ZNF609: variants seen among roughly 807,000 people sequenced by gnomAD.
ZNF609 encodes the protein zinc finger protein 609.
A neutral mutation model predicts 109.5 loss-of-function variants in ZNF609; 11 were observed. The observed-to-expected ratio is 0.10, with a 90% CI of 0.06 to 0.17. The LOEUF is 0.17. ZNF609 is among the 10% of genes least tolerant of loss of function. The pLI is 1.00. For synonymous variants in ZNF609, 646 were observed against 662.0 expected, an observed-to-expected ratio of 0.98 and a Z score of 0.37; for missense variants, 1,559 against 1,772.4, an observed-to-expected ratio of 0.88 and a Z score of 2.16.
intron 2 of ZNF609, among the ~76,000 whole-genome samples, chr15:64,549,177 T>G (rs1894420078): frequency 6.6e-6 from 1 of 152,144 alleles, no homozygotes. Flanking sequence ...TTTGTTTGTT[T>G]GTTTTGGTTT....
intron 3 of ZNF609, among the ~76,000 whole-genome samples, chr15:64,648,796 C>G (rs993485725): frequency 6.6e-6 from 1 of 151,128 alleles, no homozygotes; most frequent in Non-Finnish European, 1.5e-5. Context: ...ATATGTAACC[C>G]GTTGTATCTG....
chr15:64,625,930 TATATATAGAGAGAGAGAGAGAG>T (rs1172002380), intron 3 of ZNF609, among the ~76,000 whole-genome samples: 21 of 72,832 alleles, frequency 2.9e-4, no homozygotes, highest in African/African-American at 1.1e-3. Flanking sequence ...TATATATATA[TATATATAGAGAGAGAGAGAGAG>T]AGAGAGAGAG....
At chr15:64,538,853 T>C (rs1357316260) in intron 2 of ZNF609, among the ~76,000 whole-genome samples, 2 of 152,122 alleles carry the variant, frequency 1.3e-5, no homozygotes, top group South Asian at 4.1e-4. Flanking sequence ...CTGGTTTTAT[T>C]TTTTATAGAG....
intron 1 of ZNF609, among the ~76,000 whole-genome samples, chr15:64,472,273 G>A (rs1429097437): frequency 6.6e-6 from 1 of 152,218 alleles, no homozygotes; most frequent in Non-Finnish European, 1.5e-5. Context: ...GGGTTGGATT[G>A]CAAAGTAGCC....
intron 3 of ZNF609, among the ~76,000 whole-genome samples, chr15:64,625,936 TAGAGAG>T (rs36226491): frequency 0.036 from 2,824 of 79,464 alleles, 63 homozygotes; most frequent in South Asian, 0.079. Context: ...TATATATATA[TAGAGAG>T]AGAGAGAGAG....
At chr15:64,670,653 C>T (rs531928467) in intron 4 of ZNF609, among the ~76,000 whole-genome samples, 41 of 149,606 alleles carry the variant, frequency 2.7e-4, no homozygotes, top group African/African-American at 9.1e-4. Flanking sequence ...CTGAGGCAGG[C>T]GGATCACCTG....
intron 2 of ZNF609, among the ~76,000 whole-genome samples, chr15:64,601,445 C>G (rs936309899): frequency 2.0e-5 from 3 of 152,126 alleles, no homozygotes; most frequent in African/African-American, 7.2e-5. Context: ...AGAACTAAGA[C>G]TCATACCTAA....
At chr15:64,641,001 G>A (rs1351547131) in intron 3 of ZNF609, among the ~76,000 whole-genome samples, 23 of 152,094 alleles carry the variant, frequency 1.5e-4, no homozygotes, top group Admixed American at 1.5e-3. Context: ...TACATTTACT[G>A]GTTATTCCAC....
intron 3 of ZNF609, among the ~76,000 whole-genome samples, chr15:64,647,898 C>A (rs1421414333): frequency 2.6e-5 from 4 of 152,240 alleles, no homozygotes; most frequent in African/African-American, 9.6e-5. Context: ...CTGCATTTTG[C>A]CTACTTGGAC....
intron 2 of ZNF609, chr15:64,529,328 C>T: frequency 1.4e-6 from 1 of 724,662 alleles, no homozygotes; most frequent in Non-Finnish European, 2.5e-6. Flanking sequence ...TTTTGGCTCC[C>T]CCCTGCAAGT....
At chr15:64,548,896 A>T (rs936644430) in intron 2 of ZNF609, among the ~76,000 whole-genome samples, 7 of 152,220 alleles carry the variant, frequency 4.6e-5, no homozygotes, top group Non-Finnish European at 5.9e-5. Flanking sequence ...GAAATCTTTT[A>T]AAAAAGATGA....
chr15:64,506,576 C>A (rs543307434), intron 2 of ZNF609, among the ~76,000 whole-genome samples: 2 of 151,132 alleles, frequency 1.3e-5, no homozygotes, highest in East Asian at 4.0e-4. Flanking sequence ...CAAAATTAGT[C>A]GGGCGTGGTG....
At chr15:64,587,103 G>T (rs1404856865) in intron 2 of ZNF609, among the ~76,000 whole-genome samples, 1 of 152,148 alleles carries the variant, frequency 6.6e-6, no homozygotes, top group East Asian at 1.9e-4. Context: ...TACAGAACAG[G>T]AAATGACATA....
intron 2 of ZNF609, among the ~76,000 whole-genome samples, chr15:64,510,391 A>G (rs1893706930): frequency 1.3e-5 from 2 of 151,552 alleles, no homozygotes; most frequent in Non-Finnish European, 2.9e-5. Flanking sequence ...TTTTTTATAC[A>G]GTTGGGATCT....
chr15:64,584,654 G>A (rs1895166017), intron 2 of ZNF609, among the ~76,000 whole-genome samples: 1 of 151,124 alleles, frequency 6.6e-6, no homozygotes, highest in African/African-American at 2.4e-5. Flanking sequence ...TTTTTGAGAC[G>A]GAGTTTCACT....
intron 3 of ZNF609, chr15:64,631,274 G>A: frequency 1.5e-6 from 1 of 661,140 alleles, no homozygotes; most frequent in Non-Finnish European, 2.8e-6. Context: ...ACATGTTTCA[G>A]GAAGCTATCT....
intron 3 of ZNF609, among the ~76,000 whole-genome samples, chr15:64,645,012 C>CTTTCTTTCTTTCTTT (rs1567037985): frequency 2.0e-5 from 2 of 101,952 alleles, no homozygotes; most frequent in African/African-American, 9.3e-5. Context: ...TTTCTTTCTT[C>CTTTCTTTCTTTCTTT]CTTCCTTCCT....
rs1893539124 is a variant in ZNF609, at chr15:64,500,053, C to A, written c.634C>A (p.Leu212Ile). 6.2e-7 allele frequency: 1 copy of A among 1,614,000 alleles called. No homozygotes were observed. Among genetic ancestry groups the A allele is most frequent in the African/African-American group, 1.3e-5 (1 of 74,892 alleles). ...AGVDTGAVEP[L>I]GSIAIEPGAA... ...GGTGGATACAGGAGCTGTGGAGCCA[C>A]TTGGGAGTATAGCTATTGAGCCTGG... is the stretch of plus-strand genomic sequence containing the variant. Residue 212 changes from leucine (L) to isoleucine (I), a missense_variant, in exon 2 of 10, where the codon CTT (leucine) becomes ATT (isoleucine). By Grantham distance (5) the Leu-to-Ile change is conservative. Coordinates refer to ENST00000326648, the MANE Select transcript of ZNF609 (RefSeq NM_015042.2).
At chr15:64,517,926 C>T (rs1313651241) in intron 2 of ZNF609, among the ~76,000 whole-genome samples, 4 of 151,732 alleles carry the variant, frequency 2.6e-5, no homozygotes, top group Non-Finnish European at 1.5e-5. Flanking sequence ...ACTACAGGTG[C>T]GTGCCACCAC....
Sources: gnomAD v4.1 joint callset for allele counts (sites outside exome capture counted in the v4.1 genomes callset) on GRCh38, gnomAD v4.1.1 for gene constraint, MANE v1.5 for transcripts, NCBI Gene and HGNC (gene_info 2026-07-23, HGNC 2026-07-21) for gene names.